TRAIP: variants seen among roughly 807,000 people sequenced by gnomAD.
TRAIP encodes the protein E3 ubiquitin-protein ligase TRAIP.
In TRAIP, 37 loss-of-function variants were observed where a neutral mutation model predicts 65.0. The observed-to-expected ratio is 0.57, with a 90% confidence interval of 0.44 to 0.75. TRAIP has a LOEUF of 0.75. Ranked by LOEUF, TRAIP falls within the 30% of genes least tolerant of loss-of-function variation. The pLI, the probability that TRAIP is intolerant of heterozygous loss-of-function variation, is 0.00. For synonymous variants in TRAIP, 187 were observed against 219.1 expected, an observed-to-expected ratio of 0.85 and a Z score of 1.29; for missense variants, 481 against 579.4, an observed-to-expected ratio of 0.83 and a Z score of 1.74.
At chr3:49,848,255 A>G (rs371805307) in intron 1 of TRAIP, 55 bp from the exon 2 acceptor site, 9 of 1,587,672 alleles carry the variant, frequency 5.7e-6, no homozygotes, top group Non-Finnish European at 7.8e-6. Flanking sequence ...CTGGGGACAT[A>G]AGCCAGGCAA....
chr3:49,855,917 G>C (rs1363026305), intron 1 of TRAIP, among the ~76,000 whole-genome samples: 3 of 152,200 alleles, frequency 2.0e-5, no homozygotes, highest in African/African-American at 7.2e-5. Flanking sequence ...ATACATTGGG[G>C]TGTCTGGACA....
chr3:49,838,762 T>A (rs553137820), intron 10 of TRAIP, among the ~76,000 whole-genome samples: 7 of 152,036 alleles, frequency 4.6e-5, no homozygotes, highest in African/African-American at 1.7e-4. Flanking sequence ...GACACATGCC[T>A]GTAATCCCAG....
intron 3 of TRAIP, among the ~76,000 whole-genome samples, chr3:49,846,328 T>C (rs993454352): frequency 1.3e-5 from 2 of 152,042 alleles, no homozygotes; most frequent in Admixed American, 6.6e-5. Context: ...TCACCCAAAG[T>C]GCTGGGATTA....
chr3:49,845,301 C>T (rs1681342269), intron 3 of TRAIP, among the ~76,000 whole-genome samples: 3 of 152,182 alleles, frequency 2.0e-5, no homozygotes, highest in African/African-American at 7.2e-5. Flanking sequence ...ACTCAACATC[C>T]CCATGAGCAA....
Position 49,835,961 on chromosome 3 carries a change from A to AT in TRAIP, c.884+3810dup, listed in dbSNP as rs1055267104. On this transcript the variant is annotated intron_variant, in intron 10 of 14. Coordinates refer to ENST00000331456, the MANE Select transcript of TRAIP (RefSeq NM_005879.3). ...CTCAAAAAAAAAAAAAAAATTCTTA[A>AT]TTTTTTTTTGTTTTTGTTTTTGCGA... is the stretch of plus-strand genomic sequence containing the variant. 1.7e-4 allele frequency among the ~76,000 whole-genome samples: 25 copies of AT among 149,284 alleles called. No individual in the cohort carries two copies. The East Asian group carries it at 2.6e-3, about 16-fold the overall frequency.
chr3:49,840,951 C>T, intron 8 of TRAIP, 34 bp downstream of exon 8: 1 of 1,592,140 alleles, frequency 6.3e-7, no homozygotes, highest in Admixed American at 1.7e-5. Context: ...AGGAGAGCCA[C>T]TTCTCCTTCA....
At chr3:49,829,269 T>C in intron 14 of TRAIP, 44 bp from the exon 15 acceptor site, 3 of 1,613,898 alleles carry the variant, frequency 1.9e-6, no homozygotes, top group East Asian at 2.2e-5. Flanking sequence ...AGGACTGCAA[T>C]GCAGGGCGAG....
chr3:49,847,385 AAAAAGAAAAG>A (rs746867614), intron 3 of TRAIP, 130 bp downstream of exon 3: 458 of 644,206 alleles, frequency 7.1e-4, no homozygotes, highest in South Asian at 2.4e-3. Context: ...CTGTCTCTAA[AAAAAGAAAAG>A]AAAAGAAAAG....
At chr3:49,840,458 A>C (rs1170277289) in intron 8 of TRAIP, 85 bp from the exon 9 acceptor site, 2 of 1,147,306 alleles carry the variant, frequency 1.7e-6, no homozygotes, top group African/African-American at 3.0e-5. Flanking sequence ...GGGAGTGATC[A>C]AGGTAGCCCA....
At chr3:49,838,738 T>C (rs955845659) in intron 10 of TRAIP, among the ~76,000 whole-genome samples, 1 of 151,576 alleles carries the variant, frequency 6.6e-6, no homozygotes, top group South Asian at 2.1e-4. Flanking sequence ...ATACAAAAAT[T>C]AGCTGGGCAT....
Position 49,848,046 on chromosome 3 carries a change from A to G in TRAIP, c.156+97T>C, listed in dbSNP as rs919304845. On this transcript the variant is annotated intron_variant, in intron 2 of 14. Coordinates refer to ENST00000331456, the MANE Select transcript of TRAIP (RefSeq NM_005879.3). ...GCCTTAAACCAGGAGGGTCCAAAAA[A>G]GGTCAGAGATATTGCAGTTTCAGAG... 1.7e-5 allele frequency: 24 copies of G among 1,418,328 alleles called. No individual in the cohort carries two copies. In the East Asian group the frequency reaches 4.1e-4, roughly 24 times the overall value. 87.9% of individuals were successfully genotyped at this position (1,418,328 alleles called of 1,614,324 possible).
At chr3:49,833,445 G>C (rs901090356) in intron 10 of TRAIP, among the ~76,000 whole-genome samples, 3 of 151,590 alleles carry the variant, frequency 2.0e-5, no homozygotes, top group Admixed American at 1.3e-4. Context: ...TCCACATCTG[G>C]ATCATATGGA....
At chr3:49,848,478 G>A (rs899427587) in intron 1 of TRAIP, among the ~76,000 whole-genome samples, 1 of 152,172 alleles carries the variant, frequency 6.6e-6, no homozygotes, top group Non-Finnish European at 1.5e-5. Context: ...TGGGAGAGAT[G>A]ATAGTCGAAG....
Position 49,832,491 on chromosome 3 carries a change from G to GAAAA in TRAIP, c.885-424_885-423insTTTT, listed in dbSNP as rs113514685. Among the ~76,000 whole-genome samples, 63 of 134,000 alleles carry GAAAA rather than the reference G, an allele frequency of 4.7e-4. 4 individuals carry two copies. Among genetic ancestry groups the GAAAA allele is most frequent in the Admixed American group, 7.6e-4 (10 of 13,238 alleles). 87.9% of individuals were successfully genotyped at this position (134,000 alleles called of 152,430 possible). ...GGCGACAGAGCAAGACTCCGTCTCA[G>GAAAA]GAAAAAAAAAAAAAAAAGTTTAAAT... On this transcript the variant is annotated intron_variant, in intron 10 of 14. Transcript: ENST00000331456.
In TRAIP at chr3:49,829,242, G is replaced by A. The variant is rs2108307994; in HGVS notation, c.1288-17C>T. 1 of 1,614,246 alleles carries A rather than the reference G, an allele frequency of 6.2e-7. No homozygotes were observed. The highest frequency in any genetic ancestry group is 8.5e-7 in the Non-Finnish European group (1 of 1,180,044). On this transcript the variant is annotated splice_polypyrimidine_tract_variant and intron_variant, in intron 14 of 14. Coordinates refer to ENST00000331456, the MANE Select transcript of TRAIP (RefSeq NM_005879.3). ...TGTGTCAGTCTGGAGGAGCTGTCAA[G>A]GAAGAGGCATGGAGAAAGGACTGCA...
At chr3:49,842,705 C>T (rs560568524) in intron 5 of TRAIP, among the ~76,000 whole-genome samples, 158 bp from the exon 6 acceptor site, 1 of 152,266 alleles carries the variant, frequency 6.6e-6, no homozygotes, top group East Asian at 1.9e-4. Flanking sequence ...GCTCCTGGGT[C>T]CCACTCTCGC....
chr3:49,834,897 T>C (rs1232819499), intron 10 of TRAIP, among the ~76,000 whole-genome samples: 1 of 152,180 alleles, frequency 6.6e-6, no homozygotes, highest in Non-Finnish European at 1.5e-5. Flanking sequence ...GAAAGAATGC[T>C]TGCAAATTTA....
At chr3:49,830,156 A>G in intron 11 of TRAIP, 88 bp from the exon 12 acceptor site, 1 of 1,389,916 alleles carries the variant, frequency 7.2e-7, no homozygotes, top group Non-Finnish European at 1.0e-6. Flanking sequence ...TTGGGGAGTT[A>G]CCATGTGGCA....
chr3:49,856,254 A>T, intron 1 of TRAIP, 102 bp downstream of exon 1: 1 of 998,810 alleles, frequency 1.0e-6, no homozygotes, highest in Non-Finnish European at 1.5e-6. Flanking sequence ...GGTTCTCATC[A>T]CTTGTCTGGA....
Sources: allele counts gnomAD v4.1 joint callset (sites outside exome capture counted in the v4.1 genomes callset), GRCh38; gene constraint gnomAD v4.1.1; transcripts MANE v1.5; gene names NCBI Gene and HGNC (gene_info 2026-07-23, HGNC 2026-07-21).